Variants in CELF4 observed in about 807,000 individuals in gnomAD.
The protein encoded by CELF4 is CUGBP Elav-like family member 4, also known as CUG-BP- and ETR-3-like factor 4.
A neutral mutation model predicts 59.9 loss-of-function variants in CELF4; 18 were observed. That is an observed-to-expected ratio of 0.30 (90% CI 0.21 to 0.45). CELF4 has a LOEUF of 0.45. Among genes scored for constraint, CELF4 ranks in the 20% least tolerant of loss-of-function variants. The probability of loss-of-function intolerance (pLI) is 1.00; values close to 1 mark genes in which losing one functional copy is unlikely to be tolerated. For missense variants in CELF4, 456 were observed against 689.0 expected, an observed-to-expected ratio of 0.66 and a Z score of 3.79; for synonymous variants, 261 against 267.1, an observed-to-expected ratio of 0.98 and a Z score of 0.22.
At chr18:37,448,700 C>A (rs2099754921) in intron 2 of CELF4, among the ~76,000 whole-genome samples, 2 of 152,254 alleles carry the variant, frequency 1.3e-5, no homozygotes, top group South Asian at 4.1e-4. Flanking sequence ...CACCCCACTG[C>A]CTGCATGGGT....
At chr18:37,284,648 C>G (rs1360719630) in intron 3 of CELF4, among the ~76,000 whole-genome samples, 1 of 152,236 alleles carries the variant, frequency 6.6e-6, no homozygotes, top group Non-Finnish European at 1.5e-5. Flanking sequence ...CCTCCCTCCC[C>G]CGAGCTTGAG....
At chr18:37,414,316 A>G (rs1240304141) in intron 2 of CELF4, among the ~76,000 whole-genome samples, 3 of 150,950 alleles carry the variant, frequency 2.0e-5, no homozygotes, top group Non-Finnish European at 4.4e-5. Flanking sequence ...CTACCCACCT[A>G]CCCATTCATT....
chr18:37,457,346 C>T (rs1451373955), intron 2 of CELF4, among the ~76,000 whole-genome samples: 1 of 152,154 alleles, frequency 6.6e-6, no homozygotes, highest in Non-Finnish European at 1.5e-5. Context: ...TCCCAGTCCT[C>T]CTGAAAGCCC....
intron 6 of CELF4, chr18:37,273,729 G>A: frequency 1.0e-6 from 1 of 987,708 alleles, no homozygotes; most frequent in Non-Finnish European, 1.2e-6. Flanking sequence ...CCAGAACCGT[G>A]GCCTGCCTCA....
chr18:37,282,078 C>A (rs2094210626), intron 3 of CELF4, among the ~76,000 whole-genome samples: 1 of 152,158 alleles, frequency 6.6e-6, no homozygotes, highest in African/African-American at 2.4e-5. Context: ...CCAGGCAGGT[C>A]TGGAATTAAA....
At chr18:37,287,181 G>T (rs1449488287) in intron 3 of CELF4, among the ~76,000 whole-genome samples, 1 of 152,084 alleles carries the variant, frequency 6.6e-6, no homozygotes, top group East Asian at 1.9e-4. Flanking sequence ...AGTATTTCTG[G>T]TTTTGGTTAT....
Position 37,476,962 on chromosome 18 carries a change from C to T in CELF4, c.369+8563G>A, listed in dbSNP as rs76094562. Among the ~76,000 whole-genome samples, 9 of 152,366 alleles carry T rather than the reference C, an allele frequency of 5.9e-5. No individual in the cohort carries two copies. In the East Asian group the frequency reaches 1.5e-3, roughly 26 times the overall value. On this transcript the variant is annotated intron_variant, in intron 2 of 12. Transcript: ENST00000420428. ...CTACATCCATGACCAGAGAGCGAAGCTTTCTCCTCTTTCCAAATGCACCCC... is the reference window on the plus strand; with the variant it reads ...CTACATCCATGACCAGAGAGCGAAGTTTTCTCCTCTTTCCAAATGCACCCC...
At chr18:37,266,332 A>G in intron 9 of CELF4, 1 of 625,316 alleles carries the variant, frequency 1.6e-6, no homozygotes, top group Non-Finnish European at 2.8e-6. Flanking sequence ...GTTCTGCCCA[A>G]CCCCACTGCA....
chr18:37,414,658 C>T (rs893655933), intron 2 of CELF4, among the ~76,000 whole-genome samples: 8 of 152,010 alleles, frequency 5.3e-5, no homozygotes, highest in Non-Finnish European at 8.8e-5. Context: ...CCACCGTGCC[C>T]GGCTAATTTT....
chr18:37,547,640 T>C (rs1053847119), intron 1 of CELF4, among the ~76,000 whole-genome samples: 1 of 152,176 alleles, frequency 6.6e-6, no homozygotes, highest in African/African-American at 2.4e-5. Flanking sequence ...GCCTTCTGTT[T>C]ATTTGCTGAC....
chr18:37,428,533 A>G (rs958000554), intron 2 of CELF4, among the ~76,000 whole-genome samples: 3 of 152,160 alleles, frequency 2.0e-5, no homozygotes, highest in Non-Finnish European at 4.4e-5. Flanking sequence ...CTGCATCAGA[A>G]CTCACACATC....
intron 2 of CELF4, among the ~76,000 whole-genome samples, chr18:37,468,306 C>T (rs1366594993): frequency 6.6e-6 from 1 of 152,140 alleles, no homozygotes; most frequent in South Asian, 2.1e-4. Flanking sequence ...GTAATAATTC[C>T]ACTCCCATTG....
intron 2 of CELF4, among the ~76,000 whole-genome samples, chr18:37,362,462 C>A (rs1427720890): frequency 6.6e-6 from 1 of 152,132 alleles, no homozygotes; most frequent in Non-Finnish European, 1.5e-5. Context: ...GGCTGTGGGG[C>A]TCCTAGGACA....
chr18:37,345,759 AG>A (rs2098232084), intron 2 of CELF4, among the ~76,000 whole-genome samples: 1 of 152,074 alleles, frequency 6.6e-6, no homozygotes, highest in Non-Finnish European at 1.5e-5. Context: ...AACAGGCCCC[AG>A]GGAGGCTGGG....
intron 2 of CELF4, among the ~76,000 whole-genome samples, chr18:37,416,841 G>A (rs2099533118): frequency 6.6e-6 from 1 of 152,156 alleles, no homozygotes; most frequent in African/African-American, 2.4e-5. Context: ...CTGCAATCAG[G>A]TAGGCTCAGA....
intron 1 of CELF4, among the ~76,000 whole-genome samples, chr18:37,519,354 A>T (rs2099954482): frequency 6.6e-6 from 1 of 152,086 alleles, no homozygotes; most frequent in African/African-American, 2.4e-5. Flanking sequence ...TGCATCTCCC[A>T]GGAGAAAGAA....
chr18:37,498,163 G>T (rs1386626875), intron 1 of CELF4, among the ~76,000 whole-genome samples: 2 of 152,190 alleles, frequency 1.3e-5, no homozygotes, highest in African/African-American at 4.8e-5. Context: ...AACAGAGTGG[G>T]TTTGGGGGCC....
At chr18:37,429,791 A>G (rs1244264775) in intron 2 of CELF4, among the ~76,000 whole-genome samples, 1 of 152,152 alleles carries the variant, frequency 6.6e-6, no homozygotes, top group Non-Finnish European at 1.5e-5. Flanking sequence ...TCTACAGCCT[A>G]TTGAGGAAAA....
intron 2 of CELF4, among the ~76,000 whole-genome samples, chr18:37,450,895 G>A (rs1013776970): frequency 2.6e-5 from 4 of 152,194 alleles, no homozygotes; most frequent in African/African-American, 9.6e-5. Flanking sequence ...GAGTGGGAAG[G>A]AGGGGACCTG....
Sources: gnomAD v4.1 joint callset for allele counts (sites outside exome capture counted in the v4.1 genomes callset) on GRCh38, gnomAD v4.1.1 for gene constraint, MANE v1.5 for transcripts, NCBI Gene and HGNC (gene_info 2026-07-23, HGNC 2026-07-21) for gene names.